The following EHBP1 variants were observed in gnomAD, a reference collection of about 807,000 sequenced individuals.
EHBP1 encodes the protein EH domain binding protein 1, also known as EH domain-binding protein 1.
EHBP1 carries 55 observed loss-of-function variants against 144.0 expected under a neutral mutation model. The observed-to-expected ratio is 0.38, with a 90% CI of 0.31 to 0.48. EHBP1 has a LOEUF of 0.48. EHBP1 is among the 20% of genes least tolerant of loss of function. The pLI is 0.98. For missense variants in EHBP1, 1,200 were observed against 1,364.2 expected (o/e 0.88, Z 1.90); for synonymous variants, 469 against 472.7 (o/e 0.99, Z 0.10).
intron 5 of EHBP1, among the ~76,000 whole-genome samples, chr2:62,792,965 A>G (rs1215212108): frequency 6.6e-6 from 1 of 151,884 alleles, no homozygotes; most frequent in Non-Finnish European, 1.5e-5. Context: ...AAAAATTTTA[A>G]TATTTATTAC....
At chr2:62,866,610 T>C (rs1246422098) in intron 9 of EHBP1, among the ~76,000 whole-genome samples, 1 of 152,164 alleles carries the variant, frequency 6.6e-6, no homozygotes, top group Non-Finnish European at 1.5e-5. Context: ...AAAAATAGAC[T>C]GGATGAGGTT....
At chr2:62,684,323 G>C (rs922340391) in intron 1 of EHBP1, among the ~76,000 whole-genome samples, 4 of 151,934 alleles carry the variant, frequency 2.6e-5, no homozygotes, top group Non-Finnish European at 5.9e-5. Context: ...GGGGTAGAGT[G>C]GGGGAGGTAA....
intron 5 of EHBP1, among the ~76,000 whole-genome samples, chr2:62,802,831 T>C (rs1268107202): frequency 2.6e-5 from 4 of 151,568 alleles, no homozygotes; most frequent in Non-Finnish European, 4.4e-5. Flanking sequence ...TTCAAGAAAT[T>C]CTCCTGCCTC....
chr2:62,893,984 G>A (rs1392558425), intron 10 of EHBP1, among the ~76,000 whole-genome samples: 2 of 151,728 alleles, frequency 1.3e-5, no homozygotes, highest in African/African-American at 2.4e-5. Flanking sequence ...GGCAGAAGTT[G>A]CAGTGAGCCA....
At chr2:62,750,940 T>C (rs1044190909) in intron 3 of EHBP1, among the ~76,000 whole-genome samples, 1 of 152,176 alleles carries the variant, frequency 6.6e-6, no homozygotes, top group African/African-American at 2.4e-5. Flanking sequence ...ACAGGGACAA[T>C]TTTACTTCCT....
chr2:62,863,158 C>A (rs111824071), intron 8 of EHBP1, among the ~76,000 whole-genome samples: 297 of 152,180 alleles, frequency 2.0e-3, no homozygotes, highest in African/African-American at 6.9e-3. Flanking sequence ...TGGCGCATGC[C>A]TATAATCCCA....
chr2:62,979,804 C>T (rs2058880439), intron 15 of EHBP1, among the ~76,000 whole-genome samples: 1 of 152,142 alleles, frequency 6.6e-6, no homozygotes, highest in South Asian at 2.1e-4. Context: ...ATCTCAGTTT[C>T]TTCTTAGTCT....
intron 10 of EHBP1, among the ~76,000 whole-genome samples, chr2:62,900,775 A>T (rs756742332): frequency 6.6e-6 from 1 of 151,640 alleles, no homozygotes; most frequent in African/African-American, 2.4e-5. Flanking sequence ...TATATTGGTG[A>T]CATTGATGGC....
chr2:63,009,760 A>G (rs1030129308), intron 19 of EHBP1, among the ~76,000 whole-genome samples: 7 of 151,484 alleles, frequency 4.6e-5, no homozygotes, highest in African/African-American at 1.2e-4. Context: ...CCTTATCCTC[A>G]GGGGATCCCC....
At chr2:62,847,385 T>G (rs770413259) in intron 7 of EHBP1, among the ~76,000 whole-genome samples, 1 of 152,102 alleles carries the variant, frequency 6.6e-6, no homozygotes, top group Non-Finnish European at 1.5e-5. Flanking sequence ...ATGATGAAGC[T>G]TCTGAAAAAA....
intron 7 of EHBP1, among the ~76,000 whole-genome samples, chr2:62,841,563 CTTCT>C (rs1460179214): frequency 6.6e-6 from 1 of 152,118 alleles, no homozygotes; most frequent in Admixed American, 6.5e-5. Flanking sequence ...GTATGATTCT[CTTCT>C]TTATTTAAAC....
intron 10 of EHBP1, among the ~76,000 whole-genome samples, chr2:62,899,294 T>C (rs2053207767): frequency 6.6e-6 from 1 of 152,130 alleles, no homozygotes; most frequent in Non-Finnish European, 1.5e-5. Flanking sequence ...CATCTGCACA[T>C]AAGGGATATT....
chr2:63,044,853 C>T, intron 21 of EHBP1: 1 of 490,260 alleles, frequency 2.0e-6, no homozygotes. Context: ...ACTGCTGCAG[C>T]CATCTCCATT....
intron 19 of EHBP1, among the ~76,000 whole-genome samples, chr2:63,030,408 TACACACACAC>T (rs200310215): frequency 6.7e-6 from 1 of 150,172 alleles, no homozygotes; most frequent in South Asian, 2.1e-4. Context: ...TATATATATA[TACACACACAC>T]ACACACACAC....
intron 19 of EHBP1, among the ~76,000 whole-genome samples, chr2:63,009,839 T>A (rs1305832470): frequency 6.6e-6 from 1 of 151,584 alleles, no homozygotes; most frequent in African/African-American, 2.4e-5. Flanking sequence ...CTATGTTTTT[T>A]CCTATACATA....
At chr2:63,005,834 A>G (rs1323337492) in intron 19 of EHBP1, among the ~76,000 whole-genome samples, 1 of 152,074 alleles carries the variant, frequency 6.6e-6, no homozygotes, top group Admixed American at 6.6e-5. Context: ...TCTCTAAACC[A>G]TATAGCAAAC....
chr2:62,749,110 A>G (rs1363298456), intron 3 of EHBP1, among the ~76,000 whole-genome samples: 1 of 152,082 alleles, frequency 6.6e-6, no homozygotes, highest in Non-Finnish European at 1.5e-5. Context: ...TATTAGGTAT[A>G]TCTCCTAATG....
chr2:62,803,880 C>T (rs60575419), intron 5 of EHBP1, among the ~76,000 whole-genome samples: 6,557 of 152,176 alleles, frequency 0.043, 417 homozygotes, highest in African/African-American at 0.14. Context: ...TCAGTTCCTC[C>T]ACTCACTAGC....
chr2:62,863,281 T>TCA (rs143162421), intron 8 of EHBP1, among the ~76,000 whole-genome samples: 14,574 of 144,954 alleles, frequency 0.1, 899 homozygotes, highest in Non-Finnish European at 0.14. Flanking sequence ...TGAGACTCCG[T>TCA]CACACACACA....
Sources: allele counts gnomAD v4.1 joint callset (sites outside exome capture counted in the v4.1 genomes callset), GRCh38; gene constraint gnomAD v4.1.1; transcripts MANE v1.5; gene names NCBI Gene and HGNC (gene_info 2026-07-23, HGNC 2026-07-21).